The following TRAF7 variants were observed in gnomAD, a reference collection of about 807,000 sequenced individuals.
The protein encoded by TRAF7 is E3 ubiquitin-protein ligase TRAF7.
A neutral mutation model predicts 89.3 loss-of-function variants in TRAF7; 45 were observed. The observed-to-expected ratio is 0.50, with a 90% CI of 0.40 to 0.65. The LOEUF is 0.65. TRAF7 is among the 30% of genes least tolerant of loss of function. The pLI is 0.00. For missense variants in TRAF7, 677 were observed against 918.1 expected (o/e 0.74, Z 3.39); for synonymous variants, 406 against 369.2 (o/e 1.10, Z -1.14).
Position 2,178,056 on chromosome 16 carries a change from A to AGTT in TRAF7, c.*1483_*1485dup. On this transcript the variant is annotated 3_prime_UTR_variant, in exon 21 of 21. Transcript: ENST00000326181. ...CTTTCTTTAAATATATATTTGTTAA[A>AGTT]GTTATACCTTTTTGTTTCTCTGGGG... is the stretch of plus-strand genomic sequence containing the variant. 1 of 477,460 alleles carries AGTT rather than the reference A, an allele frequency of 2.1e-6. No homozygotes were observed. The highest frequency in any genetic ancestry group is 2.0e-5 in the African/African-American group (1 of 49,536). The allele number at this position is 477,460 out of a possible 1,614,324, so 29.6% of individuals were successfully genotyped here.
intron 2 of TRAF7, among the ~76,000 whole-genome samples, chr16:2,165,320 GCT>G (rs2093080268): frequency 7.1e-6 from 1 of 140,194 alleles, no homozygotes; most frequent in South Asian, 2.2e-4. Context: ...GTGTGTGAGT[GCT>G]GTGTGGCGCG....
In TRAF7 at chr16:2,172,461, A is replaced by G. The variant is rs1377288590; in HGVS notation, c.660-4A>G. 2 of 1,610,454 alleles carry G rather than the reference A, an allele frequency of 1.2e-6. No homozygotes were observed. The highest frequency in any genetic ancestry group is 2.2e-5 in the East Asian group (1 of 44,834). Reference sequence around the variant, plus strand: ...AGGCCTCCCCGCATCCCGCCCTGGCACAGGGACCACGAGGGCAGCTGTGAC... The same window carrying G: ...AGGCCTCCCCGCATCCCGCCCTGGCGCAGGGACCACGAGGGCAGCTGTGAC... On this transcript the variant is annotated splice_region_variant and splice_polypyrimidine_tract_variant and intron_variant, in intron 8 of 20. Coordinates refer to ENST00000326181, the MANE Select transcript of TRAF7 (RefSeq NM_032271.3).
intron 3 of TRAF7, among the ~76,000 whole-genome samples, chr16:2,167,401 C>G (rs1335981842): frequency 6.6e-6 from 1 of 152,368 alleles, no homozygotes; most frequent in African/African-American, 2.4e-5. Flanking sequence ...GTGTCTCTCT[C>G]TGCCTCCCAC....
chr16:2,170,033 GAGGC>G (rs2093101766), intron 4 of TRAF7, among the ~76,000 whole-genome samples: 2 of 152,168 alleles, frequency 1.3e-5, no homozygotes, highest in African/African-American at 4.8e-5. Flanking sequence ...GGCTCAGCCA[GAGGC>G]AGGCACCTGT....
rs2093084579 is a variant in TRAF7 at position 2,165,873 on chromosome 16, C to T, written c.82-6C>T. The T allele has an allele frequency of 6.2e-7, 1 of 1,614,122 alleles. No homozygotes were observed. Among genetic ancestry groups the T allele is most frequent in the Non-Finnish European group, 8.5e-7 (1 of 1,179,966 alleles). On this transcript the variant is annotated splice_region_variant and splice_polypyrimidine_tract_variant and intron_variant, in intron 2 of 20. Coordinates refer to ENST00000326181, the MANE Select transcript of TRAF7 (RefSeq NM_032271.3). Reference sequence around the variant, plus strand: ...TGAGGCCAGGTCTCCTCCGTCCTCCCTCTAGACCAGAATGGAAACGACCTT... The same window carrying T: ...TGAGGCCAGGTCTCCTCCGTCCTCCTTCTAGACCAGAATGGAAACGACCTT...
intron 9 of TRAF7, 33 bp downstream of exon 9, chr16:2,172,632 T>TG: frequency 6.6e-6 from 5 of 753,170 alleles, no homozygotes; most frequent in Non-Finnish European, 1.0e-5. Flanking sequence ...TGGGCCGGGG[T>TG]GGGCGCAGGC....
rs2093133942 is a variant in TRAF7 at position 2,175,972 on chromosome 16, G to A, written c.1746+19G>A. 3 of 1,612,774 alleles carry A rather than the reference G, an allele frequency of 1.9e-6. No homozygotes were observed. Among genetic ancestry groups the A allele is most frequent in the Non-Finnish European group, 2.5e-6 (3 of 1,179,872 alleles). ...CATCCACGTAAGGCCTGGGCATCTG[G>A]GTGCAAGGCCAGACTGTGGCCCCGT... On this transcript the variant is annotated intron_variant, in intron 18 of 20. Coordinates refer to ENST00000326181, the MANE Select transcript of TRAF7 (RefSeq NM_032271.3).
At chr16:2,164,155 TGTGTGCGCGCG>T (rs2093069377) in intron 2 of TRAF7, among the ~76,000 whole-genome samples, 154 bp downstream of exon 2, 8 of 130,538 alleles carry the variant, frequency 6.1e-5, no homozygotes, top group Non-Finnish European at 1.2e-4. Flanking sequence ...TGTGTGTGTG[TGTGTGCGCGCG>T]CGCGCGCGCG....
At position 2,178,016 on chromosome 16, in the gene TRAF7, G is replaced by C. The variant is rs768539963; in HGVS notation, c.*1442G>C. The C allele has an allele frequency of 3.7e-4, 157 of 422,300 alleles. No individual in the cohort carries two copies. Among genetic ancestry groups the C allele is most frequent in the Non-Finnish European group, 6.4e-4 (143 of 224,452 alleles). The allele number at this position is 422,300 out of a possible 1,614,324, so 26.2% of individuals were successfully genotyped here. ...TTCAGTTGGTAAATGGTTTTCTATA[G>C]AATCAATAATATTTCTTTCTTTAAA... On this transcript the variant is annotated 3_prime_UTR_variant, in exon 21 of 21. Coordinates refer to ENST00000326181, the MANE Select transcript of TRAF7 (RefSeq NM_032271.3).
rs567287580 is a variant in TRAF7 at position 2,168,221 on chromosome 16, C to T, written c.231+53C>T. 8.8e-4 allele frequency: 1,304 copies of T among 1,476,660 alleles called. 27 individuals are homozygous for T. The South Asian group carries it at 0.015, about 16-fold the overall frequency. 91.5% of individuals were successfully genotyped at this position (1,476,660 alleles called of 1,614,324 possible). ...TGAGCCTCAGCCTCCCCCCATCCTC[C>T]CTCCTGGGGGAACCAGGTCCCAGGA... On this transcript the variant is annotated intron_variant, in intron 4 of 20. Coordinates refer to ENST00000326181, the MANE Select transcript of TRAF7 (RefSeq NM_032271.3). The surrounding 1 kb of genome is among the most constrained non-coding windows in gnomAD (Gnocchi z 4.1).
At chr16:2,172,795 C>T (rs528911259) in intron 9 of TRAF7, among the ~76,000 whole-genome samples, 196 bp downstream of exon 9, 10 of 151,880 alleles carry the variant, frequency 6.6e-5, no homozygotes, top group Non-Finnish European at 1.2e-4. Flanking sequence ...CGGGCGTGGA[C>T]GCTCCCGCAG....
intron 4 of TRAF7, 137 bp from the exon 5 acceptor site, chr16:2,170,477 C>T (rs1007550372): frequency 1.5e-5 from 10 of 647,984 alleles, no homozygotes; most frequent in South Asian, 5.5e-5. Context: ...CCCCCGTGGA[C>T]GAGGAGAGTA....
At chr16:2,169,421 GTCC>G (rs2093099369) in intron 4 of TRAF7, among the ~76,000 whole-genome samples, 2 of 152,146 alleles carry the variant, frequency 1.3e-5, no homozygotes, top group Non-Finnish European at 1.5e-5. Flanking sequence ...GAAGCCACGA[GTCC>G]TCCATGTCTG....
chr16:2,173,397 T>A lies in TRAF7; in HGVS notation c.1010T>A (p.Phe337Tyr). 6.2e-7 allele frequency: 1 copy of A among 1,613,122 alleles called. No individual in the cohort carries two copies. Among genetic ancestry groups the A allele is most frequent in the Non-Finnish European group, 8.5e-7 (1 of 1,179,728 alleles). The change falls in exon 10 of 21, where the codon TTT becomes TAT. Residue 337 changes from phenylalanine to tyrosine, a missense_variant and splice_region_variant. By Grantham distance (22) the Phe-to-Tyr change is conservative (BLOSUM62 3). Around this residue, in one of 6 missense-constraint regions of TRAF7, gnomAD observed 238 missense variants for 352.6 expected, o/e 0.67. Coordinates refer to ENST00000326181, the MANE Select transcript of TRAF7 (RefSeq NM_032271.3). The stretch of plus-strand genomic sequence containing the variant: ...CTAGAGAAGAGCCTGGAGCTCAAGT[T>A]TGGTGAGGGTGGGCACCGGGGCAGG... ...DQLEKSLELK[F>Y]DVLDENQSKL...
At chr16:2,175,183 G>A in intron 15 of TRAF7, 33 bp downstream of exon 15, 3 of 1,613,214 alleles carry the variant, frequency 1.9e-6, no homozygotes, top group Non-Finnish European at 2.5e-6. Flanking sequence ...TGGGCAGGAG[G>A]CGGCCCAGGC....
chr16:2,177,717 C>CA lies in TRAF7; in HGVS notation c.*1144dup, dbSNP rs2093145622. 1 of 240,278 alleles carries CA rather than the reference C, an allele frequency of 4.2e-6. No individual in the cohort carries two copies. The highest frequency in any genetic ancestry group is 8.2e-6 in the Non-Finnish European group (1 of 121,804). 14.9% of individuals were successfully genotyped at this position (240,278 alleles called of 1,614,324 possible). On this transcript the variant is annotated 3_prime_UTR_variant, in exon 21 of 21. Transcript: ENST00000326181. ...TGCTTCCACGTGGCTGCCACGCTGA[C>CA]ACACCCACATTCACCAAACCCACCC...
In TRAF7 at chr16:2,176,859, T is replaced by C. The variant is rs1243640103; in HGVS notation, c.*285T>C. On this transcript the variant is annotated 3_prime_UTR_variant, in exon 21 of 21. Coordinates refer to ENST00000326181, the MANE Select transcript of TRAF7 (RefSeq NM_032271.3). The stretch of plus-strand genomic sequence containing the variant: ...CACCCTAGATGGAGCGAGGGCCTTT[T>C]TACTCACCTTTTCTACCGTTTTTAG... 1.7e-6 allele frequency: 1 copy of C among 579,872 alleles called. No homozygotes were observed. The highest frequency in any genetic ancestry group is 1.9e-5 in the African/African-American group (1 of 53,524). The allele number at this position is 579,872 out of a possible 1,614,324, so 35.9% of individuals were successfully genotyped here.
In TRAF7 at chr16:2,172,171, A is replaced by G. The variant is rs1436867581; in HGVS notation, c.476-20A>G. 2.5e-6 allele frequency: 4 copies of G among 1,612,590 alleles called. No individual in the cohort carries two copies. Among genetic ancestry groups the G allele is most frequent in the African/African-American group, 2.7e-5 (2 of 74,928 alleles). On this transcript the variant is annotated intron_variant, in intron 7 of 20. Transcript: ENST00000326181. ...GTGTGCCAGGCAGGCCGTGAGGGTCAGCACGCCCTCCTCTCCCAGAGAAGT... is the reference window on the plus strand; with the variant it reads ...GTGTGCCAGGCAGGCCGTGAGGGTCGGCACGCCCTCCTCTCCCAGAGAAGT...
intron 2 of TRAF7, among the ~76,000 whole-genome samples, 160 bp downstream of exon 2, chr16:2,164,161 C>CGTGTGTGT: frequency 1.5e-5 from 1 of 67,578 alleles, no homozygotes; most frequent in South Asian, 4.8e-4. Context: ...TGTGTGTGTG[C>CGTGTGTGT]GCGCGCGCGC....
Sources: gnomAD v4.1 joint callset for allele counts (sites outside exome capture counted in the v4.1 genomes callset) on GRCh38, gnomAD v4.1.1 for gene constraint, gnomAD v4.1.1 regional missense constraint, Gnocchi (gnomAD v3.1) non-coding constraint, MANE v1.5 for transcripts, NCBI Gene and HGNC (gene_info 2026-07-23, HGNC 2026-07-21) for gene names.